The following PHLPP2 variants were observed in gnomAD, a reference collection of about 807,000 sequenced individuals.
PHLPP2 encodes PH domain leucine-rich repeat-containing protein phosphatase 2.
A neutral mutation model predicts 124.9 loss-of-function variants in PHLPP2; 66 were observed. The ratio of observed to expected loss-of-function variants is 0.53; its 90% CI spans 0.43 to 0.65. PHLPP2 has a LOEUF of 0.65. Among genes scored for constraint, PHLPP2 ranks in the 30% least tolerant of loss-of-function variants. The pLI is 0.00. For missense variants in PHLPP2, 1,685 were observed against 1,600.4 expected (o/e 1.05, Z -0.90); for synonymous variants, 681 against 624.7 (o/e 1.09, Z -1.34).
intron 1 of PHLPP2, among the ~76,000 whole-genome samples, chr16:71,721,758 AC>A (rs1245215808): frequency 5.3e-5 from 8 of 152,128 alleles, no homozygotes; most frequent in Non-Finnish European, 1.5e-5. Context: ...GTTAATCATT[AC>A]TAAAAAAAAA....
intron 9 of PHLPP2, among the ~76,000 whole-genome samples, chr16:71,673,280 G>A (rs537388004): frequency 6.6e-6 from 1 of 152,260 alleles, no homozygotes; most frequent in South Asian, 2.1e-4. Context: ...AGATACTACT[G>A]AACAGTTTTC....
intron 12 of PHLPP2, among the ~76,000 whole-genome samples, chr16:71,666,872 C>G (rs2044844232): frequency 6.6e-6 from 1 of 152,194 alleles, no homozygotes; most frequent in Admixed American, 6.5e-5. Flanking sequence ...GTTGTAATTT[C>G]TCTTTAAATA....
rs368469959 is a variant in PHLPP2 at position 71,649,495 on chromosome 16, T to G, written c.3367A>C (p.Thr1123Pro). Residue 1123 changes from threonine to proline, a missense_variant, in exon 19 of 19, where the codon ACA (threonine) becomes CCA (proline). Coordinates refer to ENST00000568954, the MANE Select transcript of PHLPP2 (RefSeq NM_015020.3). ...RPERRCSLHP[T>P]PTSGLFQRQP... ...CGCTGAAACAGCCCAGAGGTGGGTGTTGGGTGGAGGCTGCAGCGCCGCTCT... is the reference window on the plus strand; with the variant it reads ...CGCTGAAACAGCCCAGAGGTGGGTGGTGGGTGGAGGCTGCAGCGCCGCTCT... 5.0e-6 allele frequency: 8 copies of G among 1,613,888 alleles called. No homozygotes were observed. Among genetic ancestry groups the G allele is most frequent in the Non-Finnish European group, 6.8e-6 (8 of 1,179,982 alleles).
intron 3 of PHLPP2, among the ~76,000 whole-genome samples, chr16:71,692,480 A>G (rs2045124806): frequency 6.6e-6 from 1 of 152,214 alleles, no homozygotes; most frequent in African/African-American, 2.4e-5. Flanking sequence ...TCCCATATAC[A>G]ATATGAGGAA....
intron 1 of PHLPP2, chr16:71,723,840 C>T: frequency 2.4e-6 from 3 of 1,233,154 alleles, no homozygotes; most frequent in Non-Finnish European, 3.0e-6. Flanking sequence ...TCCAGCGGGC[C>T]CGCGGGCCCC....
rs1317950450 is a variant in PHLPP2, at chr16:71,684,620, G to C, written c.610-19C>G. 3.2e-6 allele frequency: 5 copies of C among 1,583,544 alleles called. No individual in the cohort carries two copies. In the South Asian group the frequency reaches 4.6e-5, roughly 15 times the overall value. On this transcript the variant is annotated intron_variant, in intron 4 of 18. Coordinates refer to ENST00000568954, the MANE Select transcript of PHLPP2 (RefSeq NM_015020.3). ...CTTCTATCTGAAGAAGAGGAGGGGA[G>C]AAAACCAGAACCACTAAAAAAAAAA...
intron 4 of PHLPP2, among the ~76,000 whole-genome samples, chr16:71,686,263 T>G (rs2045054173): frequency 6.6e-6 from 1 of 152,164 alleles, no homozygotes; most frequent in Non-Finnish European, 1.5e-5. Flanking sequence ...GCCTCAACCT[T>G]ACGGGTTCAA....
chr16:71,652,888 G>A lies in PHLPP2; in HGVS notation c.2719C>T (p.Arg907Ter), dbSNP rs2044707136. ...GAGAGGGGCACTGGCTTCCCACCTCGGCACAGGACTGCTTGGCACGTGCCA... is the reference window on the plus strand; with the variant it reads ...GAGAGGGGCACTGGCTTCCCACCTCAGCACAGGACTGCTTGGCACGTGCCA... ...NVGTCQAVLC[R>*]GGKPVPLSKV... The change falls in exon 18 of 19, where the codon CGA (arginine) becomes TGA (stop). Residue 907 changes from arginine (R) to a stop codon, truncating the protein, a stop_gained. Transcript: ENST00000568954. LOFTEE classifies it high-confidence loss of function. 2 of 1,614,090 alleles carry A rather than the reference G, an allele frequency of 1.2e-6. No homozygotes were observed. The highest frequency in any genetic ancestry group is 1.7e-6 in the Non-Finnish European group (2 of 1,180,006).
chr16:71,691,597 A>G (rs1016656387), intron 3 of PHLPP2, among the ~76,000 whole-genome samples: 4 of 152,174 alleles, frequency 2.6e-5, no homozygotes, highest in African/African-American at 9.7e-5. Flanking sequence ...AATCTACCCT[A>G]GAAGGAAGAA....
rs192059890 is a variant in PHLPP2, at chr16:71,683,107, G to T, written c.736-1202C>A. On this transcript the variant is annotated intron_variant, in intron 5 of 18. Transcript: ENST00000568954. ...AACTGCTTGAACCCAGGAGACAAAG[G>T]TTGTAGTGAGCCAAGACTATACCAC... Among the ~76,000 whole-genome samples the T allele has an allele frequency of 1.0e-3, 157 of 151,930 alleles. 1 individual carries two copies. The highest frequency in any genetic ancestry group is 1.8e-3 in the Non-Finnish European group (125 of 67,982).
At chr16:71,697,210 A>T (rs1316329573) in intron 3 of PHLPP2, among the ~76,000 whole-genome samples, 6 of 42,162 alleles carry the variant, frequency 1.4e-4, no homozygotes, top group Non-Finnish European at 2.4e-4. Flanking sequence ...AAATAAATAA[A>T]TAAATAAAAA....
intron 2 of PHLPP2, among the ~76,000 whole-genome samples, chr16:71,709,175 G>GA (rs1350935209): frequency 1.3e-5 from 2 of 151,284 alleles, no homozygotes; most frequent in African/African-American, 4.9e-5. Context: ...AAACATGTAG[G>GA]AAAAAAAACT....
chr16:71,723,835 C>G (rs980946805), intron 1 of PHLPP2: 8 of 1,234,170 alleles, frequency 6.5e-6, no homozygotes, highest in Admixed American at 8.9e-5. Context: ...GGGGCTCCAG[C>G]GGGCCCGCGG....
At position 71,683,240 on chromosome 16, in the gene PHLPP2, A is replaced by G. The variant is rs759588886; in HGVS notation, c.735+1236T>C. Reference sequence around the variant, plus strand: ...TCCTTATACTATAACAATCTCTTATACAAAATCCTGCAAAGATGGCTAGAA... The same window carrying G: ...TCCTTATACTATAACAATCTCTTATGCAAAATCCTGCAAAGATGGCTAGAA... On this transcript the variant is annotated intron_variant, in intron 5 of 18. Transcript: ENST00000568954. Among the ~76,000 whole-genome samples the G allele has an allele frequency of 5.9e-5, 9 of 152,298 alleles. No homozygotes were observed. The South Asian group carries it at 6.2e-4, about 11-fold the overall frequency.
chr16:71,676,299 C>T (rs1350708805), intron 9 of PHLPP2, 148 bp downstream of exon 9: 14 of 627,680 alleles, frequency 2.2e-5, no homozygotes, highest in Non-Finnish European at 3.7e-5. Context: ...TAAGTATTGA[C>T]AGCAAAGTGA....
At chr16:71,722,307 G>A (rs1175928987) in intron 1 of PHLPP2, among the ~76,000 whole-genome samples, 5 of 152,080 alleles carry the variant, frequency 3.3e-5, no homozygotes, top group Non-Finnish European at 5.9e-5. Context: ...GGTGGCGGGT[G>A]CCCGTGATCC....
At chr16:71,723,563 G>A (rs1459913530) in intron 1 of PHLPP2, 1 of 222,030 alleles carries the variant, frequency 4.5e-6, no homozygotes, top group African/African-American at 2.3e-5. Context: ...AGGCGCCGAG[G>A]CCTGGACGCG....
At chr16:71,682,147 C>A (rs1597002396) in intron 5 of PHLPP2, among the ~76,000 whole-genome samples, 1 of 150,860 alleles carries the variant, frequency 6.6e-6, no homozygotes, top group South Asian at 2.1e-4. Flanking sequence ...TAAAAAAAAA[C>A]ACATATCATT....
rs2044656012 is a variant in PHLPP2, at chr16:71,646,735, G to A, written c.*2155C>T. 6.6e-6 allele frequency: 1 copy of A among 151,702 alleles called. No homozygotes were observed. The highest frequency in any genetic ancestry group is 2.4e-5 in the African/African-American group (1 of 41,254). The allele number at this position is 151,702 out of a possible 1,614,324, so 9.4% of individuals were successfully genotyped here. ...AAATTTCCCATATAAAAATAAGGTGGCAAAACACTCTTGTTCCCATCTTTC... is the reference window on the plus strand; with the variant it reads ...AAATTTCCCATATAAAAATAAGGTGACAAAACACTCTTGTTCCCATCTTTC... On this transcript the variant is annotated 3_prime_UTR_variant, in exon 19 of 19. Transcript: ENST00000568954.
Sources: allele counts gnomAD v4.1 joint callset (sites outside exome capture counted in the v4.1 genomes callset), GRCh38; gene constraint gnomAD v4.1.1; transcripts MANE v1.5; gene names NCBI Gene and HGNC (gene_info 2026-07-23, HGNC 2026-07-21).